NUDT3: variants seen among roughly 807,000 people sequenced by gnomAD.
NUDT3 encodes the protein nudix hydrolase 3, also known as diphosphoinositol polyphosphate phosphohydrolase 1.
NUDT3 carries 9 observed loss-of-function variants against 23.6 expected under a neutral mutation model. The observed-to-expected ratio is 0.38, with a 90% CI of 0.23 to 0.66. NUDT3 has a LOEUF of 0.66. Ranked by LOEUF, NUDT3 falls within the 30% of genes least tolerant of loss-of-function variation. The pLI is 0.52. For missense variants in NUDT3, 172 were observed against 218.5 expected (o/e 0.79, Z 1.34); for synonymous variants, 86 against 82.6 (o/e 1.04, Z -0.22).
intron 1 of NUDT3, among the ~76,000 whole-genome samples, chr6:34,350,515 T>C (rs1365529548): frequency 6.6e-6 from 1 of 150,958 alleles, no homozygotes; most frequent in African/African-American, 2.5e-5. Flanking sequence ...AGAACAGCTG[T>C]CACAAAGTCT....
At chr6:34,307,048 G>A (rs1286196230) in intron 2 of NUDT3, among the ~76,000 whole-genome samples, 1 of 152,158 alleles carries the variant, frequency 6.6e-6, no homozygotes, top group African/African-American at 2.4e-5. Context: ...AGATACTCCT[G>A]TGCAGTATCT....
At chr6:34,345,071 G>A (rs1486400323) in intron 1 of NUDT3, among the ~76,000 whole-genome samples, 1 of 147,074 alleles carries the variant, frequency 6.8e-6, no homozygotes, top group African/African-American at 2.5e-5. Flanking sequence ...TCTTTGAGAC[G>A]GAGTTTTGTT....
At chr6:34,295,782 C>A (rs1468418936) in intron 2 of NUDT3, 97 bp from the exon 3 acceptor site, 4 of 1,474,728 alleles carry the variant, frequency 2.7e-6, no homozygotes, top group Non-Finnish European at 3.7e-6. Context: ...AAACAAAAAA[C>A]AAGAGGACAC....
chr6:34,323,623 GAAGAGAAAA>G (rs1179541605), intron 2 of NUDT3, among the ~76,000 whole-genome samples: 11 of 151,970 alleles, frequency 7.2e-5, no homozygotes, highest in African/African-American at 2.7e-4. Flanking sequence ...GAAGCGAAGA[GAAGAGAAAA>G]AAGAGAAAAG....
intron 1 of NUDT3, among the ~76,000 whole-genome samples, chr6:34,385,840 G>A (rs1191996008): frequency 6.6e-6 from 1 of 151,914 alleles, no homozygotes; most frequent in Non-Finnish European, 1.5e-5. Context: ...GCACACCACC[G>A]TGCCTGGCTA....
At chr6:34,339,886 T>A (rs1764263154) in intron 2 of NUDT3, among the ~76,000 whole-genome samples, 1 of 152,250 alleles carries the variant, frequency 6.6e-6, no homozygotes, top group Non-Finnish European at 1.5e-5. Flanking sequence ...TTGGCCATGC[T>A]TTTAAATTGC....
At chr6:34,392,195 G>T in intron 1 of NUDT3, 69 bp downstream of exon 1, 2 of 1,279,596 alleles carry the variant, frequency 1.6e-6, no homozygotes, top group Non-Finnish European at 2.1e-6. Context: ...CGGCGGCCGC[G>T]CCCCTCGCGC....
rs991327640 is a variant in NUDT3 at position 34,392,539 on chromosome 6, C to T, written c.-177G>A. 7.1e-6 allele frequency: 3 copies of T among 421,832 alleles called. No individual in the cohort carries two copies. The South Asian group carries it at 1.4e-4, about 19-fold the overall frequency. 26.1% of individuals were successfully genotyped at this position (421,832 alleles called of 1,614,324 possible). The stretch of plus-strand genomic sequence containing the variant: ...CCGCGGCCGCCTCATTCCCCCAGGC[C>T]CAGGTCCCGCGCCGCCGCTGCCACC... On this transcript the variant is annotated 5_prime_UTR_variant, in exon 1 of 5. Coordinates refer to ENST00000607016, the MANE Select transcript of NUDT3 (RefSeq NM_006703.4).
At chr6:34,312,490 C>T (rs1406118735) in intron 2 of NUDT3, among the ~76,000 whole-genome samples, 1 of 152,038 alleles carries the variant, frequency 6.6e-6, no homozygotes, top group Non-Finnish European at 1.5e-5. Flanking sequence ...CTCTTATTTG[C>T]TCTCTGGAAA....
intron 2 of NUDT3, among the ~76,000 whole-genome samples, chr6:34,338,848 G>A (rs1764248284): frequency 6.6e-6 from 1 of 152,210 alleles, no homozygotes; most frequent in Non-Finnish European, 1.5e-5. Context: ...CATTCACAGG[G>A]AATCTGGTTG....
rs185265619 is a variant in NUDT3 at position 34,286,002 on chromosome 6, T to C, written c.*2751A>G. Reference sequence around the variant, plus strand: ...AAAACTGCACTTTCAGGGTAGTATATTGTTACACTAGCCCAGTCAAAACAT... The same window carrying C: ...AAAACTGCACTTTCAGGGTAGTATACTGTTACACTAGCCCAGTCAAAACAT... On this transcript the variant is annotated 3_prime_UTR_variant, in exon 5 of 5. Coordinates refer to ENST00000607016, the MANE Select transcript of NUDT3 (RefSeq NM_006703.4). 6 of 152,196 alleles carry C rather than the reference T, an allele frequency of 3.9e-5. No homozygotes were observed. The highest frequency in any genetic ancestry group is 8.8e-5 in the Non-Finnish European group (6 of 68,026). The allele number at this position is 152,196 out of a possible 1,614,324, so 9.4% of individuals were successfully genotyped here.
At chr6:34,312,387 G>A (rs1230730148) in intron 2 of NUDT3, among the ~76,000 whole-genome samples, 1 of 148,120 alleles carries the variant, frequency 6.8e-6, no homozygotes, top group African/African-American at 2.5e-5. Flanking sequence ...GGGCAACAAA[G>A]TGAGACTCAT....
chr6:34,307,211 C>G (rs2113706428), intron 2 of NUDT3, among the ~76,000 whole-genome samples: 1 of 151,822 alleles, frequency 6.6e-6, no homozygotes, highest in East Asian at 1.9e-4. Flanking sequence ...AGTTCAAGAC[C>G]AGCGTGGGCA....
At chr6:34,367,748 C>T (rs1230662098) in intron 1 of NUDT3, among the ~76,000 whole-genome samples, 3 of 152,174 alleles carry the variant, frequency 2.0e-5, no homozygotes, top group Non-Finnish European at 2.9e-5. Context: ...TGCTTCTAGC[C>T]TTGCATTTGG....
Position 34,376,769 on chromosome 6 carries a change from A to G in NUDT3, c.99+15495T>C, listed in dbSNP as rs3798561. ...TCTACTCTCACACATACCTTTCCAC[A>G]ACCCTTTGAAGGACAACTGTGGTTC... On this transcript the variant is annotated intron_variant, in intron 1 of 4. Coordinates refer to ENST00000607016, the MANE Select transcript of NUDT3 (RefSeq NM_006703.4). 5.9e-3 allele frequency among the ~76,000 whole-genome samples: 893 copies of G among 152,140 alleles called. 11 individuals carry two copies. The highest frequency in any genetic ancestry group is 0.026 in the Admixed American group (395 of 15,274).
intron 1 of NUDT3, among the ~76,000 whole-genome samples, chr6:34,377,369 C>T (rs988287020): frequency 2.6e-5 from 4 of 151,760 alleles, no homozygotes; most frequent in African/African-American, 9.7e-5. Context: ...CAAGACAGAA[C>T]TTGGAGACTA....
intron 2 of NUDT3, among the ~76,000 whole-genome samples, chr6:34,340,131 G>C (rs936983434): frequency 3.9e-5 from 6 of 152,146 alleles, no homozygotes; most frequent in African/African-American, 1.2e-4. Context: ...GAATGTGTAA[G>C]GATAGAGCTG....
rs143600618 is a variant in NUDT3 at position 34,376,429 on chromosome 6, C to A, written c.99+15835G>T. Among the ~76,000 whole-genome samples, 105 of 152,200 alleles carry A rather than the reference C, an allele frequency of 6.9e-4. 1 individual carries two copies. In the East Asian group the frequency reaches 0.011, roughly 16 times the overall value. On this transcript the variant is annotated intron_variant, in intron 1 of 4. Coordinates refer to ENST00000607016, the MANE Select transcript of NUDT3 (RefSeq NM_006703.4). ...GAGTAACTGGGACTACAGGCATGCA[C>A]CACCATGCACAGCTAATTTTTTATT...
intron 2 of NUDT3, among the ~76,000 whole-genome samples, chr6:34,341,413 TA>T (rs1300023216): frequency 2.6e-5 from 4 of 152,156 alleles, no homozygotes; most frequent in Non-Finnish European, 5.9e-5. Context: ...GTTGTACCAT[TA>T]ACAGTATCTG....
Sources: gnomAD v4.1 joint callset for allele counts (sites outside exome capture counted in the v4.1 genomes callset) on GRCh38, gnomAD v4.1.1 for gene constraint, MANE v1.5 for transcripts, NCBI Gene and HGNC (gene_info 2026-07-23, HGNC 2026-07-21) for gene names.